The following PCDHA1 variants were observed in gnomAD, a reference collection of about 807,000 sequenced individuals.
PCDHA1 encodes the protein protocadherin alpha-1.
Under a neutral mutation model 61.3 loss-of-function variants are expected in PCDHA1, and 42 were observed. That is an observed-to-expected ratio of 0.69 (90% confidence interval 0.54 to 0.89). The LOEUF is 0.89. PCDHA1 is among the 40% of genes least tolerant of loss of function. The pLI is 0.00. For missense variants in PCDHA1, 1,256 were observed against 1,235.3 expected, an observed-to-expected ratio of 1.02 and a Z score of -0.25; for synonymous variants, 610 against 553.8, an observed-to-expected ratio of 1.10 and a Z score of -1.43.
intron 1 of PCDHA1, among the ~76,000 whole-genome samples, chr5:140,937,756 C>CA (rs2091723973): frequency 1.3e-5 from 2 of 151,360 alleles, no homozygotes; most frequent in African/African-American, 4.9e-5. Flanking sequence ...ACTAAAAATA[C>CA]AAAAAATTAG....
chr5:140,875,460 C>T (rs1380748731), intron 1 of PCDHA1: 2 of 1,598,406 alleles, frequency 1.3e-6, no homozygotes, highest in Middle Eastern at 1.7e-4. Flanking sequence ...CTCAGAGGCC[C>T]TCATTTTCTG....
intron 1 of PCDHA1, chr5:140,860,673 C>A (rs955931174): frequency 1.2e-4 from 18 of 152,210 alleles, no homozygotes; most frequent in African/African-American, 4.3e-4. Context: ...AAATCAAATG[C>A]ACTTATGTTT....
chr5:140,863,282 A>G (rs782183211), intron 1 of PCDHA1: 1 of 1,461,396 alleles, frequency 6.8e-7, no homozygotes, highest in Non-Finnish European at 9.3e-7. Flanking sequence ...GTGGATGTCA[A>G]CGTGTACCTG....
chr5:140,934,373 T>G (rs1414749100), intron 1 of PCDHA1, among the ~76,000 whole-genome samples: 1 of 152,182 alleles, frequency 6.6e-6, no homozygotes, highest in African/African-American at 2.4e-5. Flanking sequence ...TGACTCCTTC[T>G]GTGGTTCTAT....
chr5:140,886,097 A>G (rs1341108712), intron 1 of PCDHA1, among the ~76,000 whole-genome samples: 1 of 152,214 alleles, frequency 6.6e-6, no homozygotes, highest in Non-Finnish European at 1.5e-5. Context: ...ATTGACATTG[A>G]TACAGTAAAG....
At chr5:140,828,276 G>C (rs2150153517) in intron 1 of PCDHA1, 1 of 1,614,090 alleles carries the variant, frequency 6.2e-7, no homozygotes, top group South Asian at 1.1e-5. Context: ...CTGGTGCCGC[G>C]CCTGTTCAGG....
intron 1 of PCDHA1, chr5:140,875,737 C>G: frequency 2.5e-6 from 4 of 1,614,224 alleles, no homozygotes; most frequent in Non-Finnish European, 3.4e-6. Flanking sequence ...TGTGAATTCT[C>G]GGATCGACCG....
intron 1 of PCDHA1, chr5:140,802,323 G>C: frequency 1.9e-6 from 3 of 1,614,220 alleles, no homozygotes; most frequent in Non-Finnish European, 2.5e-6. Context: ...CAGCGTGTCC[G>C]ACCGCGACTC....
intron 3 of PCDHA1, among the ~76,000 whole-genome samples, chr5:141,006,902 A>T (rs1563704110): frequency 6.6e-6 from 1 of 152,218 alleles, no homozygotes; most frequent in Non-Finnish European, 1.5e-5. Context: ...AGATTTCTTC[A>T]GTTTGGGATG....
chr5:140,808,872 C>T, intron 1 of PCDHA1: 3 of 1,613,186 alleles, frequency 1.9e-6, no homozygotes, highest in Non-Finnish European at 2.5e-6. Context: ...AACGACAACG[C>T]GCCAGCACTG....
intron 1 of PCDHA1, among the ~76,000 whole-genome samples, chr5:140,952,792 T>C (rs2094798499): frequency 6.6e-6 from 1 of 152,210 alleles, no homozygotes; most frequent in African/African-American, 2.4e-5. Flanking sequence ...GAGGTTTAAC[T>C]GGCTCGCAGT....
intron 1 of PCDHA1, chr5:140,876,400 T>G: frequency 1.2e-6 from 2 of 1,613,928 alleles, no homozygotes; most frequent in Non-Finnish European, 1.7e-6. Context: ...TGAACTGGAT[T>G]TTGAAGAGAA....
intron 1 of PCDHA1, among the ~76,000 whole-genome samples, chr5:140,831,520 CTTTTTTTTTT>C (rs35178185): frequency 8.2e-5 from 10 of 122,404 alleles, no homozygotes; most frequent in African/African-American, 3.2e-4. Flanking sequence ...TGCCCCCCAC[CTTTTTTTTTT>C]TTTTTTTTTT....
Position 140,786,502 on chromosome 5 carries a change from A to C in PCDHA1, c.212A>C (p.His71Pro), listed in dbSNP as rs1581593836. 1.2e-6 allele frequency: 2 copies of C among 1,613,848 alleles called. No homozygotes were observed. Among genetic ancestry groups the C allele is most frequent in the Admixed American group, 3.3e-5 (2 of 60,006 alleles). Residue 71 changes from histidine (H) to proline (P), a missense_variant, in exon 1 of 4, where the codon CAC becomes CCC. By Grantham distance (77) the His-to-Pro change is moderately conservative (BLOSUM62 -2). Transcript: ENST00000504120. ...CTGTTCCGGGTGGCGTCCAAAACAC[A>C]CAGGGACCTTCTGGAGGTAAATCTG... ...PRLFRVASKT[H>P]RDLLEVNLQN... is the part of the protein sequence containing the mutation.
chr5:140,874,521 T>C (rs571924676), intron 1 of PCDHA1, among the ~76,000 whole-genome samples: 4 of 152,358 alleles, frequency 2.6e-5, no homozygotes, highest in African/African-American at 9.6e-5. Flanking sequence ...CTTTAGTCAA[T>C]GAGATTAGGC....
At chr5:140,805,553 G>T in intron 1 of PCDHA1, 3 of 979,064 alleles carry the variant, frequency 3.1e-6, no homozygotes, top group Non-Finnish European at 3.6e-6. Flanking sequence ...TATGGATATA[G>T]GAGGCAAGGA....
chr5:141,000,345 C>A (rs1395527046), intron 3 of PCDHA1, among the ~76,000 whole-genome samples: 7 of 116,650 alleles, frequency 6.0e-5, no homozygotes, highest in African/African-American at 2.4e-4. Context: ...CCCTATCTCT[C>A]TCTCTGTCTC....
chr5:140,804,920 T>G, intron 1 of PCDHA1: 1 of 979,612 alleles, frequency 1.0e-6, no homozygotes, highest in South Asian at 2.3e-5. Flanking sequence ...TATTTCCTTT[T>G]TTGGCACTAT....
At chr5:140,863,444 G>T in intron 1 of PCDHA1, 4 of 585,532 alleles carry the variant, frequency 6.8e-6, no homozygotes, top group South Asian at 1.4e-5. Flanking sequence ...GGTCTTACTC[G>T]CAGCAAAGGA....
Sources: allele counts gnomAD v4.1 joint callset (sites outside exome capture counted in the v4.1 genomes callset), GRCh38; gene constraint gnomAD v4.1.1; transcripts MANE v1.5; gene names NCBI Gene and HGNC (gene_info 2026-07-23, HGNC 2026-07-21).